SLCO3A1: variants seen among roughly 807,000 people sequenced by gnomAD.
SLCO3A1 encodes solute carrier organic anion transporter family member 3A1, also known as PGE1 transporter.
SLCO3A1 carries 27 observed loss-of-function variants against 63.1 expected under a neutral mutation model. That is an observed-to-expected ratio of 0.43 (90% CI 0.32 to 0.59). The LOEUF (loss-of-function observed/expected upper bound fraction) is 0.59, where lower values mean the gene tolerates loss of function less well. Among genes scored for constraint, SLCO3A1 ranks in the 20% least tolerant of loss-of-function variants. The probability of loss-of-function intolerance (pLI) is 0.09; values close to 1 mark genes in which losing one functional copy is unlikely to be tolerated. For synonymous variants in SLCO3A1, 473 were observed against 409.9 expected (o/e 1.15, Z -1.86); for missense variants, 773 against 945.8 (o/e 0.82, Z 2.40).
intron 2 of SLCO3A1, among the ~76,000 whole-genome samples, chr15:91,955,229 A>T (rs968889868): frequency 1.3e-5 from 2 of 152,208 alleles, no homozygotes; most frequent in Non-Finnish European, 2.9e-5. Flanking sequence ...ACAAGGCCAC[A>T]TAGCCAAGAT....
intron 2 of SLCO3A1, among the ~76,000 whole-genome samples, chr15:92,089,523 T>C (rs912803073): frequency 6.6e-6 from 1 of 152,232 alleles, no homozygotes; most frequent in Admixed American, 6.5e-5. Flanking sequence ...TTTTGTTCAC[T>C]GCTATGTCCC....
rs879353015 is a variant in SLCO3A1, at chr15:92,035,478, G to A, written c.647-59403G>A. ...TTATTAATTCTAAGAAGACTCTTGGGCAGATAGAGTGATCTAAGAGGACCA... is the reference window on the plus strand; with the variant it reads ...TTATTAATTCTAAGAAGACTCTTGGACAGATAGAGTGATCTAAGAGGACCA... On this transcript the variant is annotated intron_variant, in intron 2 of 9. Transcript: ENST00000318445. Among the ~76,000 whole-genome samples, 7 of 151,686 alleles carry A rather than the reference G, an allele frequency of 4.6e-5. 1 individual carries two copies. The highest frequency in any genetic ancestry group is 8.8e-5 in the Non-Finnish European group (6 of 67,812).
At chr15:92,011,430 A>G (rs2046367369) in intron 2 of SLCO3A1, among the ~76,000 whole-genome samples, 1 of 152,228 alleles carries the variant, frequency 6.6e-6, no homozygotes, top group East Asian at 1.9e-4. Context: ...ACATGTATGG[A>G]AACATCACAT....
chr15:92,072,233 A>G (rs1353613060), intron 2 of SLCO3A1, among the ~76,000 whole-genome samples: 3 of 147,066 alleles, frequency 2.0e-5, no homozygotes, highest in African/African-American at 5.1e-5. Context: ...TGGCTAATGC[A>G]TTGTGTGTTT....
At chr15:92,005,301 A>G (rs1205683705) in intron 2 of SLCO3A1, among the ~76,000 whole-genome samples, 2 of 152,234 alleles carry the variant, frequency 1.3e-5, no homozygotes, top group Non-Finnish European at 2.9e-5. Context: ...CTGGCTCAGA[A>G]CAGCCCTAGC....
intron 9 of SLCO3A1, chr15:92,151,321 C>A: frequency 3.8e-6 from 1 of 259,998 alleles, no homozygotes; most frequent in Non-Finnish European, 7.2e-6. Flanking sequence ...TTGGCATCTT[C>A]ATTAAGCAAG....
At chr15:91,891,382 A>G (rs1373064114) in intron 1 of SLCO3A1, among the ~76,000 whole-genome samples, 1 of 152,100 alleles carries the variant, frequency 6.6e-6, no homozygotes, top group Non-Finnish European at 1.5e-5. Context: ...TAAAAAGACC[A>G]ATTCTCTTAC....
chr15:91,923,529 G>C (rs1898915200), intron 2 of SLCO3A1, among the ~76,000 whole-genome samples: 1 of 152,236 alleles, frequency 6.6e-6, no homozygotes, highest in Admixed American at 6.5e-5. Context: ...AGGCAGCCCA[G>C]AGTATGGCCA....
chr15:92,113,686 C>G (rs995452745), intron 4 of SLCO3A1, among the ~76,000 whole-genome samples: 1 of 152,144 alleles, frequency 6.6e-6, no homozygotes, highest in Non-Finnish European at 1.5e-5. Context: ...AAGCTGGGGC[C>G]GGAGGCTGCC....
intron 7 of SLCO3A1, among the ~76,000 whole-genome samples, chr15:92,146,309 A>G (rs895997687): frequency 6.6e-6 from 1 of 152,198 alleles, no homozygotes; most frequent in African/African-American, 2.4e-5. Context: ...AATGAAATGC[A>G]GTCACTTTTC....
At position 91,854,351 on chromosome 15, in the gene SLCO3A1, A is replaced by G; in HGVS notation, c.180+263A>G. The G allele has an allele frequency of 9.8e-7, 1 of 1,016,310 alleles. No individual in the cohort carries two copies. The allele number at this position is 1,016,310 out of a possible 1,614,324, so 63.0% of individuals were successfully genotyped here. Reference sequence around the variant, plus strand: ...GGGGCAGGGGGTGCCGGGGGAGGAGAGGCGGCGGGCAGGTGGGCGTGAAAC... The same window carrying G: ...GGGGCAGGGGGTGCCGGGGGAGGAGGGGCGGCGGGCAGGTGGGCGTGAAAC... On this transcript the variant is annotated intron_variant, in intron 1 of 9. Transcript: ENST00000318445. This position sits in a 1 kb window ranked among gnomAD's most constrained non-coding sequence, Gnocchi z 6.4.
chr15:92,045,236 C>T (rs973284789), intron 2 of SLCO3A1, among the ~76,000 whole-genome samples: 1 of 146,856 alleles, frequency 6.8e-6, no homozygotes, highest in African/African-American at 2.5e-5. Flanking sequence ...GTTGAGATCA[C>T]ACTGTCGCAC....
Position 91,954,897 on chromosome 15 carries a change from CTAA to C in SLCO3A1, c.646+38441_646+38443del, listed in dbSNP as rs2151415195. 6.6e-6 allele frequency among the ~76,000 whole-genome samples: 1 copy of C among 152,248 alleles called. No homozygotes were observed. The highest frequency in any genetic ancestry group is 2.1e-4 in the South Asian group (1 of 4,826). Reference sequence around the variant, plus strand: ...CAAGGGCTGGACAGCACCACCCCTCCTAATTCCTAGGAATTAGGCCCTTCTTGG... The same window carrying C: ...CAAGGGCTGGACAGCACCACCCCTCCTTCCTAGGAATTAGGCCCTTCTTGG... On this transcript the variant is annotated intron_variant, in intron 2 of 9. Transcript: ENST00000318445. The surrounding 1 kb of genome is among the most constrained non-coding windows in gnomAD (Gnocchi z 4.7).
chr15:92,167,964 G>C (rs1477370666), downstream of SLCO3A1, among the ~76,000 whole-genome samples: 1 of 152,230 alleles, frequency 6.6e-6, no homozygotes, highest in African/African-American at 2.4e-5. Context: ...GGCGTGCATT[G>C]CATGAGTTTG....
Position 92,143,473 on chromosome 15 carries a change from T to TATATATAAA in SLCO3A1, c.1513-3504_1513-3503insAAATATATA, listed in dbSNP as rs2048176768. Among the ~76,000 whole-genome samples, 2 of 24,704 alleles carry TATATATAAA rather than the reference T, an allele frequency of 8.1e-5. 1 individual carries two copies. Among genetic ancestry groups the TATATATAAA allele is most frequent in the Non-Finnish European group, 1.4e-4 (2 of 13,832 alleles). 16.2% of individuals were successfully genotyped at this position (24,704 alleles called of 152,430 possible). On this transcript the variant is annotated intron_variant, in intron 7 of 9. Coordinates refer to ENST00000318445, the MANE Select transcript of SLCO3A1 (RefSeq NM_013272.4). ...ATAATATATATAATATATATAAATA[T>TATATATAAA]ATATATATATTATATATATGTATAT...
chr15:92,102,183 T>C (rs994411313), intron 3 of SLCO3A1, among the ~76,000 whole-genome samples: 1 of 152,176 alleles, frequency 6.6e-6, no homozygotes, highest in Non-Finnish European at 1.5e-5. Context: ...TTTTCATTCA[T>C]TGCTTGGCAG....
chr15:92,032,717 G>A (rs920933233), intron 2 of SLCO3A1, among the ~76,000 whole-genome samples: 11 of 152,278 alleles, frequency 7.2e-5, no homozygotes, highest in Admixed American at 6.5e-4. Context: ...AGGCGGTTGC[G>A]ATGCTCCTGG....
At chr15:91,965,546 C>T (rs1900627292) in intron 2 of SLCO3A1, among the ~76,000 whole-genome samples, 1 of 152,168 alleles carries the variant, frequency 6.6e-6, no homozygotes, top group African/African-American at 2.4e-5. Context: ...CCCTAACTTC[C>T]CTTCCCTTTT....
intron 2 of SLCO3A1, among the ~76,000 whole-genome samples, chr15:91,943,845 G>A (rs1899706064): frequency 6.6e-6 from 1 of 152,174 alleles, no homozygotes. Context: ...GCCAGCTCTT[G>A]CTGGATTCCA....
Sources: allele counts gnomAD v4.1 joint callset (sites outside exome capture counted in the v4.1 genomes callset), GRCh38; gene constraint gnomAD v4.1.1; non-coding constraint Gnocchi (gnomAD v3.1); transcripts MANE v1.5; gene names NCBI Gene and HGNC (gene_info 2026-07-23, HGNC 2026-07-21).